The following SOS2 variants were observed in gnomAD, a reference collection of about 807,000 sequenced individuals.
SOS2 encodes the protein son of sevenless homolog 2.
A neutral mutation model predicts 148.2 loss-of-function variants in SOS2; 65 were observed. The ratio of observed to expected loss-of-function variants is 0.44; its 90% CI spans 0.36 to 0.54. The LOEUF is 0.54. Ranked by LOEUF, SOS2 falls within the 20% of genes least tolerant of loss-of-function variation. The pLI is 0.00. For missense variants in SOS2, 1,341 were observed against 1,590.2 expected, an observed-to-expected ratio of 0.84 and a Z score of 2.67; for synonymous variants, 539 against 537.1, an observed-to-expected ratio of 1.00 and a Z score of -0.05.
intron 1 of SOS2, among the ~76,000 whole-genome samples, chr14:50,206,644 G>C (rs974169943): frequency 3.3e-5 from 5 of 152,192 alleles, no homozygotes; most frequent in Non-Finnish European, 2.9e-5. Flanking sequence ...CCAAGGATAA[G>C]AATGGTGGAC....
chr14:50,186,741 T>C (rs1039058678), intron 5 of SOS2, among the ~76,000 whole-genome samples: 3 of 152,098 alleles, frequency 2.0e-5, no homozygotes, highest in Non-Finnish European at 4.4e-5. Context: ...TTGAAAAACA[T>C]AAAGTTCTGA....
At chr14:50,223,156 T>C (rs900697614) in intron 1 of SOS2, among the ~76,000 whole-genome samples, 2 of 152,244 alleles carry the variant, frequency 1.3e-5, no homozygotes, top group South Asian at 2.1e-4. Context: ...TAGCCATTTA[T>C]TGATATGTTA....
chr14:50,186,356 A>G (rs1008960310), intron 5 of SOS2, among the ~76,000 whole-genome samples: 13 of 152,242 alleles, frequency 8.5e-5, no homozygotes, highest in African/African-American at 2.7e-4. Flanking sequence ...GGACACAAAA[A>G]GACAAAGATA....
chr14:50,150,208 T>C lies in SOS2; in HGVS notation c.2184A>G (p.Val728=), dbSNP rs776046903. 1 of 1,611,038 alleles carries C rather than the reference T, an allele frequency of 6.2e-7. No homozygotes were observed. Among genetic ancestry groups the C allele is most frequent in the Non-Finnish European group, 8.5e-7 (1 of 1,177,342 alleles). Residue 728 remains valine (V), a synonymous_variant, in exon 14 of 23, where the codon GTA becomes GTG. Transcript: ENST00000216373. ...SVRGKAMKKW[V]ESIAKIIRRK... ...TCCTGATGATCTTAGCAATTGACTCTACCCATTTTTTCATAGCTTTCCCTG... is the reference window on the plus strand; with the variant it reads ...TCCTGATGATCTTAGCAATTGACTCCACCCATTTTTTCATAGCTTTCCCTG...
At chr14:50,127,836 G>C (rs1019763043) in intron 21 of SOS2, among the ~76,000 whole-genome samples, 2 of 152,164 alleles carry the variant, frequency 1.3e-5, no homozygotes, top group Admixed American at 1.3e-4. Flanking sequence ...ATTATGTACT[G>C]AGTAAGTAAA....
intron 1 of SOS2, among the ~76,000 whole-genome samples, chr14:50,210,453 G>A (rs906724453): frequency 5.3e-5 from 8 of 152,052 alleles, no homozygotes; most frequent in African/African-American, 1.7e-4. Context: ...TGTAAAACTA[G>A]ATAATATCTT....
Position 50,118,913 on chromosome 14 carries a change from T to G in SOS2, c.3490-60A>C, listed in dbSNP as rs1594951687. 6 of 1,119,864 alleles carry G rather than the reference T, an allele frequency of 5.4e-6. No individual in the cohort carries two copies. The East Asian group carries it at 1.7e-4, about 31-fold the overall frequency. The allele number at this position is 1,119,864 out of a possible 1,614,324, so 69.4% of individuals were successfully genotyped here. ...TCTGAAAAATTAAAAAAAAAAATTTTTAAGTCTGAAAAATTCTTACTTGTC... is the reference window on the plus strand; with the variant it reads ...TCTGAAAAATTAAAAAAAAAAATTTGTAAGTCTGAAAAATTCTTACTTGTC... On this transcript the variant is annotated intron_variant, in intron 22 of 22. Transcript: ENST00000216373.
At chr14:50,185,622 G>A (rs1885883685) in intron 5 of SOS2, among the ~76,000 whole-genome samples, 1 of 150,978 alleles carries the variant, frequency 6.6e-6, no homozygotes, top group Non-Finnish European at 1.5e-5. Context: ...AACCCGGGAG[G>A]TAGAGGTTGC....
rs1195701121 is a variant in SOS2 at position 50,150,100 on chromosome 14, G to T, written c.2292C>A (p.Ser764Arg). The T allele has an allele frequency of 6.2e-7, 1 of 1,613,760 alleles. No individual in the cohort carries two copies. Among genetic ancestry groups the T allele is most frequent in the Non-Finnish European group, 8.5e-7 (1 of 1,179,714 alleles). The change falls in exon 14 of 23, where the codon AGC becomes AGA. Residue 764 changes from serine (S) to arginine (R), a missense_variant. This residue lies in a region of SOS2 where 408 missense variants were observed against 506.6 expected (regional missense o/e 0.81). Coordinates refer to ENST00000216373, the MANE Select transcript of SOS2 (RefSeq NM_006939.4). ...CAAATGTTTCAAACTGTCCTGGTTT[G>T]CTGATATGCCATTCAATTGGTGGAG... is the stretch of plus-strand genomic sequence containing the variant. The part of the protein sequence containing the change: ...SPPPPIEWHI[S>R]KPGQFETFDL...
chr14:50,174,590 G>A, intron 7 of SOS2, 38 bp from the exon 8 acceptor site: 2 of 1,257,894 alleles, frequency 1.6e-6, no homozygotes, highest in Non-Finnish European at 1.1e-6. Context: ...GTATGTCTCT[G>A]ACATCAAGGA....
chr14:50,178,745 T>TATAA (rs773374441), intron 7 of SOS2, among the ~76,000 whole-genome samples: 1 of 134,524 alleles, frequency 7.4e-6, no homozygotes, highest in Non-Finnish European at 1.6e-5. Flanking sequence ...TATATATATA[T>TATAA]TTTTTGGAGA....
intron 8 of SOS2, among the ~76,000 whole-genome samples, chr14:50,171,529 C>A (rs1193145392): frequency 6.6e-6 from 1 of 151,422 alleles, no homozygotes; most frequent in East Asian, 1.9e-4. Context: ...ACTAAAAATA[C>A]AAAAATTAGC....
intron 21 of SOS2, among the ~76,000 whole-genome samples, chr14:50,126,860 C>T (rs1460904105): frequency 8.7e-5 from 13 of 148,920 alleles, no homozygotes; most frequent in Admixed American, 8.1e-4. Flanking sequence ...TTCTGGAAAT[C>T]GAACACTCGA....
intron 4 of SOS2, among the ~76,000 whole-genome samples, chr14:50,198,712 T>C (rs1019079693): frequency 2.0e-5 from 3 of 152,256 alleles, no homozygotes; most frequent in African/African-American, 7.2e-5. Flanking sequence ...CTTTCTGGCC[T>C]CACCCGTGCT....
chr14:50,223,399 G>T (rs374908834), intron 1 of SOS2, among the ~76,000 whole-genome samples: 9 of 152,068 alleles, frequency 5.9e-5, no homozygotes, highest in Non-Finnish European at 1.2e-4. Flanking sequence ...TTGGGGCTGG[G>T]CGTGGTGGCT....
At chr14:50,136,914 T>G (rs1231574217) in intron 18 of SOS2, among the ~76,000 whole-genome samples, 1 of 152,128 alleles carries the variant, frequency 6.6e-6, no homozygotes, top group Non-Finnish European at 1.5e-5. Flanking sequence ...ATGGTATGCT[T>G]TAGGTGGTCT....
Position 50,140,464 on chromosome 14 carries a change from A to T in SOS2, c.2668-405T>A, listed in dbSNP as rs572561568. Among the ~76,000 whole-genome samples, 72 of 152,360 alleles carry T rather than the reference A, an allele frequency of 4.7e-4. 2 individuals carry two copies. The highest frequency in any genetic ancestry group is 1.7e-3 in the African/African-American group (71 of 41,582). Reference sequence around the variant, plus strand: ...AAGACAACTATCAGAAGACAAGAAGACTTGAACAAAAATTTAGTGAATGAA... The same window carrying T: ...AAGACAACTATCAGAAGACAAGAAGTCTTGAACAAAAATTTAGTGAATGAA... On this transcript the variant is annotated intron_variant, in intron 16 of 22. Coordinates refer to ENST00000216373, the MANE Select transcript of SOS2 (RefSeq NM_006939.4).
In SOS2 at chr14:50,134,259, A is replaced by G. The variant is rs375042033; in HGVS notation, c.2959-20T>C. On this transcript the variant is annotated intron_variant, in intron 18 of 22. Transcript: ENST00000216373. Reference sequence around the variant, plus strand: ...GAATCTCTGGAATTAAACAAATAACACAAGTGCATATATAGTAAGTATATA... The same window carrying G: ...GAATCTCTGGAATTAAACAAATAACGCAAGTGCATATATAGTAAGTATATA... The G allele has an allele frequency of 8.4e-5, 90 of 1,071,280 alleles. No homozygotes were observed. In the African/African-American group the frequency reaches 1.1e-3, roughly 14 times the overall value. 66.4% of individuals were successfully genotyped at this position (1,071,280 alleles called of 1,614,324 possible). A position where few individuals can be genotyped will look rare whatever the true frequency, so the allele number is the denominator to read the frequency against.
In SOS2 at chr14:50,201,886, A is replaced by G. The variant is rs183080724; in HGVS notation, c.214-802T>C. Among the ~76,000 whole-genome samples, 6 of 152,316 alleles carry G rather than the reference A, an allele frequency of 3.9e-5. No homozygotes were observed. The East Asian group carries it at 1.2e-3, about 29-fold the overall frequency. On this transcript the variant is annotated intron_variant, in intron 2 of 22. Transcript: ENST00000216373. ...AGATGAAATGGGTGAGAGAGCTCAG[A>G]ATGGCTTATGAAAATACGTACCTTG... is the stretch of plus-strand genomic sequence containing the variant.
Sources: allele counts gnomAD v4.1 joint callset (sites outside exome capture counted in the v4.1 genomes callset), GRCh38; gene constraint gnomAD v4.1.1; regional missense constraint gnomAD v4.1.1; transcripts MANE v1.5; gene names NCBI Gene and HGNC (gene_info 2026-07-23, HGNC 2026-07-21).